The following FSTL4 variants were observed in gnomAD, a reference collection of about 807,000 sequenced individuals.
FSTL4 encodes follistatin like 4.
A neutral mutation model predicts 78.2 loss-of-function variants in FSTL4; 28 were observed. That is an observed-to-expected ratio of 0.36 (90% CI 0.27 to 0.49). The LOEUF (loss-of-function observed/expected upper bound fraction) is 0.49, where lower values mean the gene tolerates loss of function less well. Among genes scored for constraint, FSTL4 ranks in the 20% least tolerant of loss-of-function variants. The probability of loss-of-function intolerance (pLI) is 0.98; values close to 1 mark genes in which losing one functional copy is unlikely to be tolerated. For missense variants in FSTL4, 922 were observed against 1,084.9 expected (o/e 0.85, Z 2.11); for synonymous variants, 422 against 440.5 (o/e 0.96, Z 0.53).
At chr5:133,673,856 C>T in the FSTL4 span, among the ~76,000 whole-genome samples, 38,556 of 151,986 alleles carry the variant, frequency 0.25, 5,395 homozygotes, top group African/African-American at 0.37. Flanking sequence ...ACAAAGAAGC[C>T]AGGAGGGCAA....
chr5:133,671,899 G>A, the FSTL4 span, among the ~76,000 whole-genome samples: 6 of 152,232 alleles, frequency 3.9e-5, no homozygotes, highest in South Asian at 2.1e-4. Context: ...GGCTAAGAAC[G>A]TAAAGTACAT....
intron 3 of FSTL4, among the ~76,000 whole-genome samples, chr5:133,454,844 G>GCCC (rs1379685653): frequency 1.3e-3 from 191 of 152,244 alleles, no homozygotes; most frequent in African/African-American, 4.5e-3. Context: ...TGCAATTTCT[G>GCCC]AGACCCCAAG....
intron 3 of FSTL4, among the ~76,000 whole-genome samples, chr5:133,457,424 A>G (rs1757513210): frequency 6.6e-6 from 1 of 152,240 alleles, no homozygotes; most frequent in Non-Finnish European, 1.5e-5. Flanking sequence ...TGGTATGCAT[A>G]GACTCACCCC....
intron 4 of FSTL4, among the ~76,000 whole-genome samples, chr5:133,352,573 C>G (rs1754855703): frequency 6.6e-6 from 1 of 152,040 alleles, no homozygotes; most frequent in Non-Finnish European, 1.5e-5. Context: ...CCATGCATAG[C>G]TAATTTTTAC....
chr5:133,664,507 C>T, the FSTL4 span, among the ~76,000 whole-genome samples: 2 of 152,166 alleles, frequency 1.3e-5, no homozygotes, highest in Admixed American at 6.5e-5. Context: ...CTGTAAACAC[C>T]TGACTCCAAA....
chr5:133,466,550 A>C (rs1376905049), intron 3 of FSTL4, among the ~76,000 whole-genome samples: 1 of 152,196 alleles, frequency 6.6e-6, no homozygotes, highest in African/African-American at 2.4e-5. Context: ...TCAAAAAAAA[A>C]AAAAAAGAAC....
intron 11 of FSTL4, among the ~76,000 whole-genome samples, chr5:133,223,301 C>T (rs576224334): frequency 7.9e-5 from 12 of 152,328 alleles, no homozygotes; most frequent in South Asian, 2.1e-4. Context: ...TAGTTCCTGA[C>T]GTTCAGGAAA....
chr5:133,264,983 T>G (rs1237722856), intron 6 of FSTL4, among the ~76,000 whole-genome samples: 2 of 152,146 alleles, frequency 1.3e-5, no homozygotes, highest in Admixed American at 1.3e-4. Context: ...ACTCTCCCCA[T>G]CTTAACAATT....
At chr5:133,820,395 T>G in the FSTL4 span, among the ~76,000 whole-genome samples, 1 of 152,232 alleles carries the variant, frequency 6.6e-6, no homozygotes, top group Non-Finnish European at 1.5e-5. Context: ...CCATCAGCTG[T>G]GAGGGCACAT....
At chr5:133,557,500 A>G (rs1434767233) in intron 3 of FSTL4, among the ~76,000 whole-genome samples, 1 of 152,194 alleles carries the variant, frequency 6.6e-6, no homozygotes, top group African/African-American at 2.4e-5. Context: ...TGATATCCTG[A>G]CCAGCGGTAT....
At chr5:133,622,142 T>G in the FSTL4 span, among the ~76,000 whole-genome samples, 4 of 152,166 alleles carry the variant, frequency 2.6e-5, no homozygotes, top group African/African-American at 7.2e-5. Flanking sequence ...GTAAAGGGAA[T>G]CATACAACAT....
At chr5:133,801,031 C>T in the FSTL4 span, among the ~76,000 whole-genome samples, 6 of 152,056 alleles carry the variant, frequency 3.9e-5, no homozygotes, top group Admixed American at 2.6e-4. Flanking sequence ...ACATCTGCAG[C>T]CCGGCAGCAC....
intron 4 of FSTL4, among the ~76,000 whole-genome samples, chr5:133,337,356 C>T (rs1033565091): frequency 9.0e-6 from 1 of 110,874 alleles, no homozygotes; most frequent in African/African-American, 3.3e-5. Context: ...CTCTTGCCCA[C>T]ACTTTCCCTA....
chr5:133,635,148 C>A, the FSTL4 span, among the ~76,000 whole-genome samples: 2 of 151,632 alleles, frequency 1.3e-5, no homozygotes. Context: ...GGAAAGCAGG[C>A]CCCTGCTAGT....
chr5:133,826,978 C>T, the FSTL4 span, among the ~76,000 whole-genome samples: 6 of 152,236 alleles, frequency 3.9e-5, no homozygotes, highest in Admixed American at 3.9e-4. Flanking sequence ...CCCTCCTCCC[C>T]TCTCACCACA....
the FSTL4 span, among the ~76,000 whole-genome samples, chr5:133,700,707 T>C: frequency 5.3e-5 from 8 of 152,328 alleles, 1 homozygote; most frequent in South Asian, 1.7e-3. Context: ...TGCTCTGCCA[T>C]CCCAACCACC....
chr5:133,732,412 T>C, the FSTL4 span, among the ~76,000 whole-genome samples: 2 of 152,204 alleles, frequency 1.3e-5, no homozygotes, highest in East Asian at 3.9e-4. Flanking sequence ...GTAGGTGCCA[T>C]CTAAATTACT....
At chr5:133,613,612 T>C (rs1247048001), upstream of FSTL4, among the ~76,000 whole-genome samples, 1 of 152,224 alleles carries the variant, frequency 6.6e-6, no homozygotes, top group Non-Finnish European at 1.5e-5. Context: ...CAGCAGGCAC[T>C]GTGCTATTAA....
intron 13 of FSTL4, among the ~76,000 whole-genome samples, chr5:133,216,256 C>A (rs1561623046): frequency 6.6e-6 from 1 of 152,216 alleles, no homozygotes; most frequent in Non-Finnish European, 1.5e-5. Context: ...CTGTTGTCAT[C>A]TCTTGCCTGG....
Sources: gnomAD v4.1 joint callset for allele counts (sites outside exome capture counted in the v4.1 genomes callset) on GRCh38, gnomAD v4.1.1 for gene constraint, MANE v1.5 for transcripts, NCBI Gene and HGNC (gene_info 2026-07-23, HGNC 2026-07-21) for gene names.